The following GAS2 variants were observed in gnomAD, a reference collection of about 807,000 sequenced individuals.
GAS2 encodes the protein growth arrest-specific protein 2.
In GAS2, 20 loss-of-function variants were observed where a neutral mutation model predicts 37.5. That is an observed-to-expected ratio of 0.53 (90% CI 0.37 to 0.77). The LOEUF (loss-of-function observed/expected upper bound fraction) is 0.77. GAS2 is among the 30% of genes least tolerant of loss of function. The pLI is 0.00. For missense variants in GAS2, 336 were observed against 373.4 expected, an observed-to-expected ratio of 0.90 and a Z score of 0.82; for synonymous variants, 144 against 132.2, an observed-to-expected ratio of 1.09 and a Z score of -0.61.
At chr11:22,627,780 AAAAAAAAAAGGAAAATGG>A (rs1858684455) in intron 1 of GAS2, among the ~76,000 whole-genome samples, 2 of 152,134 alleles carry the variant, frequency 1.3e-5, no homozygotes, top group South Asian at 4.1e-4. Context: ...ATCTCAAAAA[AAAAAAAAAAGGAAAATGG>A]AAAAAAAAAG....
At chr11:22,777,751 C>G (rs1019866505) in intron 7 of GAS2, among the ~76,000 whole-genome samples, 3 of 152,076 alleles carry the variant, frequency 2.0e-5, no homozygotes, top group Non-Finnish European at 2.9e-5. Context: ...GTTGGAGGGC[C>G]TTGATAAATC....
chr11:22,799,153 T>C (rs1856555429), intron 7 of GAS2, among the ~76,000 whole-genome samples: 1 of 152,060 alleles, frequency 6.6e-6, no homozygotes. Flanking sequence ...TGGTGTCAGA[T>C]ACCATTGCCT....
intron 7 of GAS2, among the ~76,000 whole-genome samples, chr11:22,757,561 T>A (rs543722980): frequency 2.0e-5 from 3 of 152,328 alleles, no homozygotes; most frequent in African/African-American, 7.2e-5. Context: ...TATTCACTGA[T>A]TAGTCCAGCA....
intron 7 of GAS2, among the ~76,000 whole-genome samples, chr11:22,775,589 T>A (rs1855216888): frequency 6.6e-6 from 1 of 152,138 alleles, no homozygotes; most frequent in Non-Finnish European, 1.5e-5. Context: ...AATTGTGGGC[T>A]ACTCACAGAA....
At chr11:22,773,551 G>T (rs1435058875) in intron 7 of GAS2, among the ~76,000 whole-genome samples, 8 of 151,588 alleles carry the variant, frequency 5.3e-5, no homozygotes, top group Non-Finnish European at 2.9e-5. Context: ...CCGCCACCAT[G>T]CCCGGCTAAT....
intron 6 of GAS2, among the ~76,000 whole-genome samples, chr11:22,754,659 C>T (rs532784849): frequency 6.8e-4 from 104 of 151,940 alleles, no homozygotes; most frequent in Non-Finnish European, 2.4e-4. Flanking sequence ...CTTTCTGGAA[C>T]ATTTCTTATT....
At chr11:22,658,417 T>C (rs1453190030) in intron 1 of GAS2, among the ~76,000 whole-genome samples, 2 of 152,136 alleles carry the variant, frequency 1.3e-5, no homozygotes, top group Non-Finnish European at 2.9e-5. Flanking sequence ...ATCAGATAGG[T>C]ATCTCAAAAT....
chr11:22,686,013 G>C (rs380231), intron 3 of GAS2, among the ~76,000 whole-genome samples: 2,753 of 152,028 alleles, frequency 0.018, 25 homozygotes, highest in Middle Eastern at 0.024. Context: ...AAGCTTATGA[G>C]AAATGATGGT....
At chr11:22,783,338 A>G (rs950750603) in intron 7 of GAS2, among the ~76,000 whole-genome samples, 1 of 152,126 alleles carries the variant, frequency 6.6e-6, no homozygotes, top group African/African-American at 2.4e-5. Flanking sequence ...GATTCTGGAT[A>G]TCACACTTTT....
At chr11:22,633,605 G>T (rs1389842227) in intron 1 of GAS2, among the ~76,000 whole-genome samples, 1 of 152,174 alleles carries the variant, frequency 6.6e-6, no homozygotes, top group South Asian at 2.1e-4. Context: ...AGCAGGTGTG[G>T]AATGCAATAT....
At chr11:22,635,537 A>T (rs1858810087) in intron 1 of GAS2, among the ~76,000 whole-genome samples, 1 of 152,172 alleles carries the variant, frequency 6.6e-6, no homozygotes, top group Non-Finnish European at 1.5e-5. Flanking sequence ...AGCCTTCCCT[A>T]CCAAGACAGT....
chr11:22,633,794 G>A (rs990222171), intron 1 of GAS2, among the ~76,000 whole-genome samples: 2 of 152,192 alleles, frequency 1.3e-5, no homozygotes, highest in African/African-American at 4.8e-5. Context: ...ATTCAGATGA[G>A]ACAGGCATCC....
intron 1 of GAS2, among the ~76,000 whole-genome samples, chr11:22,631,163 C>T (rs1858740094): frequency 6.6e-6 from 1 of 151,912 alleles, no homozygotes; most frequent in African/African-American, 2.4e-5. Flanking sequence ...TGGTGTAAAG[C>T]AGTGTACATT....
intron 3 of GAS2, among the ~76,000 whole-genome samples, chr11:22,686,260 T>A (rs180752577): frequency 2.8e-4 from 42 of 152,312 alleles, no homozygotes; most frequent in Non-Finnish European, 5.7e-4. Flanking sequence ...CAAATTATTT[T>A]ATTTCTAACT....
rs546235062 is a variant in GAS2, at chr11:22,812,534, T to C, written c.*518T>C. The C allele has an allele frequency of 6.5e-6, 1 of 152,676 alleles. No individual in the cohort carries two copies. The highest frequency in any genetic ancestry group is 2.4e-5 in the African/African-American group (1 of 41,450). 9.5% of individuals were successfully genotyped at this position (152,676 alleles called of 1,614,324 possible). On this transcript the variant is annotated 3_prime_UTR_variant, in exon 8 of 8. Coordinates refer to ENST00000454584, the MANE Select transcript of GAS2 (RefSeq NM_001143830.3). Reference sequence around the variant, plus strand: ...ACAGAGTATTCACAATAGTAATATGTTACTGGAAAGGCCACTTCCGAAAAG... The same window carrying C: ...ACAGAGTATTCACAATAGTAATATGCTACTGGAAAGGCCACTTCCGAAAAG...
intron 7 of GAS2, among the ~76,000 whole-genome samples, chr11:22,796,436 T>C (rs1329523671): frequency 6.6e-6 from 1 of 152,140 alleles, no homozygotes; most frequent in Non-Finnish European, 1.5e-5. Flanking sequence ...TTGCTCTTTC[T>C]TCTCTATCAT....
In GAS2 at chr11:22,755,970, C is replaced by T. The variant is rs370635875; in HGVS notation, c.723+17C>T. 2.0e-5 allele frequency: 31 copies of T among 1,533,976 alleles called. No individual in the cohort carries two copies. In the African/African-American group the frequency reaches 4.0e-4, roughly 20 times the overall value. On this transcript the variant is annotated intron_variant, in intron 7 of 7. Transcript: ENST00000454584. ...TTCATTAGGGTAAAGTTTTACTTTT[C>T]ACTTATCTTGTTTTTATGGGAAGAT...
At chr11:22,666,160 A>G (rs1848982280), upstream of GAS2, among the ~76,000 whole-genome samples, 1 of 152,224 alleles carries the variant, frequency 6.6e-6, no homozygotes, top group Non-Finnish European at 1.5e-5. Context: ...GACATTCAAC[A>G]TAATGCTGAG....
In GAS2 at chr11:22,748,081, T is replaced by C. The variant is rs568074723; in HGVS notation, c.474-1039T>C. The stretch of plus-strand genomic sequence containing the variant: ...CTCTATCTATAGATTATTTACTTTG[T>C]ATATTTTTTAAAAATAGATAAAAAA... On this transcript the variant is annotated intron_variant, in intron 5 of 7. Coordinates refer to ENST00000454584, the MANE Select transcript of GAS2 (RefSeq NM_001143830.3). 7.9e-5 allele frequency among the ~76,000 whole-genome samples: 12 copies of C among 152,262 alleles called. 1 individual carries two copies. The South Asian group carries it at 1.4e-3, about 18-fold the overall frequency.
Sources: gnomAD v4.1 joint callset for allele counts (sites outside exome capture counted in the v4.1 genomes callset) on GRCh38, gnomAD v4.1.1 for gene constraint, MANE v1.5 for transcripts, NCBI Gene and HGNC (gene_info 2026-07-23, HGNC 2026-07-21) for gene names.